Variants in PSMA1 observed in about 807,000 individuals in gnomAD.
The protein encoded by PSMA1 is proteasome 20S subunit alpha 1.
In PSMA1, 3 loss-of-function variants were observed where a neutral mutation model predicts 38.4. That is an observed-to-expected ratio of 0.08 (90% CI 0.04 to 0.20). The LOEUF is 0.20. Among genes scored for constraint, PSMA1 ranks in the 10% least tolerant of loss-of-function variants. The pLI is 1.00. For missense variants in PSMA1, 227 were observed against 325.3 expected (o/e 0.70, Z 2.32); for synonymous variants, 101 against 107.1 (o/e 0.94, Z 0.35).
chr11:14,568,377 G>C (rs990522878), intron 2 of PSMA1, among the ~76,000 whole-genome samples: 1 of 152,192 alleles, frequency 6.6e-6, no homozygotes, highest in African/African-American at 2.4e-5. Context: ...AAAATCAACA[G>C]GTATGTGAAA....
chr11:14,550,041 G>C (rs1023569337), intron 2 of PSMA1, among the ~76,000 whole-genome samples: 1 of 152,080 alleles, frequency 6.6e-6, no homozygotes, highest in East Asian at 1.9e-4. Context: ...CAAATTCTGG[G>C]CACAGTCATT....
At chr11:14,597,059 G>A (rs541271171) in intron 2 of PSMA1, among the ~76,000 whole-genome samples, 20 of 152,186 alleles carry the variant, frequency 1.3e-4, no homozygotes, top group African/African-American at 2.2e-4. Context: ...ATTGATTTGC[G>A]TATATTGAAC....
intron 2 of PSMA1, among the ~76,000 whole-genome samples, chr11:14,603,120 G>A (rs1245785585): frequency 6.6e-6 from 1 of 152,186 alleles, no homozygotes; most frequent in East Asian, 1.9e-4. Context: ...AATTACATTG[G>A]TGCCAGTCAG....
chr11:14,538,519 ATCCCTTAACTCTTGAATG>A (rs1851736492), intron 2 of PSMA1, among the ~76,000 whole-genome samples: 3 of 152,206 alleles, frequency 2.0e-5, no homozygotes, highest in African/African-American at 7.2e-5. Flanking sequence ...CAGCTTCCAT[ATCCCTTAACTCTTGAATG>A]TCCAAGATTT....
At chr11:14,569,443 G>A (rs1266976657) in intron 2 of PSMA1, among the ~76,000 whole-genome samples, 8 of 152,154 alleles carry the variant, frequency 5.3e-5, no homozygotes, top group Non-Finnish European at 8.8e-5. Flanking sequence ...AAGGGATTGG[G>A]GAATTCCCTT....
intron 1 of PSMA1, among the ~76,000 whole-genome samples, chr11:14,630,109 A>T (rs1852979922): frequency 6.6e-6 from 1 of 152,154 alleles, no homozygotes; most frequent in Non-Finnish European, 1.5e-5. Context: ...GTCGTCTGCA[A>T]AAAGGGACAA....
intron 4 of PSMA1, among the ~76,000 whole-genome samples, chr11:14,515,954 G>A (rs1411363984): frequency 6.6e-6 from 1 of 151,546 alleles, no homozygotes; most frequent in African/African-American, 2.4e-5. Flanking sequence ...GCTCACGCCT[G>A]TAATCCCAGC....
chr11:14,520,208 G>A, intron 1 of PSMA1, 89 bp downstream of exon 1: 1 of 1,587,568 alleles, frequency 6.3e-7, no homozygotes. Context: ...GGCACCGGGC[G>A]ACGCTAAGGA....
At chr11:14,557,485 G>A (rs949005079) in intron 2 of PSMA1, among the ~76,000 whole-genome samples, 2 of 152,030 alleles carry the variant, frequency 1.3e-5, no homozygotes, top group East Asian at 1.9e-4. Context: ...TTCGTGATCC[G>A]CCCACCTCGG....
chr11:14,517,394 T>A (rs568607308), intron 4 of PSMA1, among the ~76,000 whole-genome samples: 1 of 152,344 alleles, frequency 6.6e-6, no homozygotes, highest in Admixed American at 6.5e-5. Context: ...ACGATATACA[T>A]TGTATTAACA....
chr11:14,636,389 A>G (rs1464776780), intron 1 of PSMA1, among the ~76,000 whole-genome samples: 1 of 152,046 alleles, frequency 6.6e-6, no homozygotes, highest in Non-Finnish European at 1.5e-5. Context: ...CTCCTGTCTG[A>G]TTCTCTTTCT....
chr11:14,592,599 A>C (rs1223272783), intron 2 of PSMA1, among the ~76,000 whole-genome samples: 1 of 152,024 alleles, frequency 6.6e-6, no homozygotes, highest in African/African-American at 2.4e-5. Context: ...GTTAGCCAGG[A>C]TGGTCTCAAC....
intron 9 of PSMA1, among the ~76,000 whole-genome samples, chr11:14,506,878 G>A (rs1343913299): frequency 6.6e-6 from 1 of 152,202 alleles, no homozygotes; most frequent in Non-Finnish European, 1.5e-5. Context: ...GTGGACAGAG[G>A]CTCAGTCATC....
intron 2 of PSMA1, among the ~76,000 whole-genome samples, chr11:14,606,450 A>C (rs971116482): frequency 6.6e-6 from 1 of 152,170 alleles, no homozygotes; most frequent in Non-Finnish European, 1.5e-5. Context: ...AAAAAAAAGA[A>C]TCTGTTTTGA....
intron 2 of PSMA1, among the ~76,000 whole-genome samples, chr11:14,546,150 C>CTT (rs57094424): frequency 2.8e-5 from 4 of 140,500 alleles, no homozygotes; most frequent in African/African-American, 5.3e-5. Context: ...CTCTCTCTCT[C>CTT]TTTTTTTTTT....
chr11:14,545,822 T>C (rs1234098972), intron 2 of PSMA1, among the ~76,000 whole-genome samples: 1 of 152,238 alleles, frequency 6.6e-6, no homozygotes, highest in Non-Finnish European at 1.5e-5. Flanking sequence ...TAATACTTTA[T>C]GATTTCTTGT....
At chr11:14,547,208 A>G (rs906603133) in intron 2 of PSMA1, among the ~76,000 whole-genome samples, 1 of 152,214 alleles carries the variant, frequency 6.6e-6, no homozygotes, top group African/African-American at 2.4e-5. Flanking sequence ...CTTCTTTCCA[A>G]ATCACCTCTA....
chr11:14,527,277 A>T (rs757419462), intron 2 of PSMA1, among the ~76,000 whole-genome samples: 3 of 152,090 alleles, frequency 2.0e-5, no homozygotes, highest in Non-Finnish European at 2.9e-5. Flanking sequence ...TCTCCTTCTC[A>T]TCAGTCACTC....
At chr11:14,519,594 A>C (rs1360096501) in intron 1 of PSMA1, among the ~76,000 whole-genome samples, 3 of 152,158 alleles carry the variant, frequency 2.0e-5, no homozygotes, top group African/African-American at 7.2e-5. Flanking sequence ...ACATTGAATG[A>C]ACAAAAATGT....
Sources: allele counts gnomAD v4.1 joint callset (sites outside exome capture counted in the v4.1 genomes callset), GRCh38; gene constraint gnomAD v4.1.1; transcripts MANE v1.5; gene names NCBI Gene and HGNC (gene_info 2026-07-23, HGNC 2026-07-21).